Variants in ADAMTSL1 observed in about 807,000 individuals in gnomAD.
ADAMTSL1 encodes ADAMTS like 1, also known as ADAMTS-like protein 1.
A neutral mutation model predicts 201.8 loss-of-function variants in ADAMTSL1; 126 were observed. The observed-to-expected ratio is 0.62, with a 90% CI of 0.54 to 0.72. The LOEUF is 0.72. ADAMTSL1 is among the 30% of genes least tolerant of loss of function. The pLI is 0.00. For synonymous variants in ADAMTSL1, 1,121 were observed against 903.4 expected (o/e 1.24, Z -4.32); for missense variants, 2,679 against 2,277.8 (o/e 1.18, Z -3.59).
At chr9:18,482,664 G>C (rs1050299908) in intron 1 of ADAMTSL1, among the ~76,000 whole-genome samples, 1 of 152,162 alleles carries the variant, frequency 6.6e-6, no homozygotes, top group Non-Finnish European at 1.5e-5. Context: ...CCATAGTAAG[G>C]TATGGTAGGG....
At chr9:18,063,785 A>G (rs1403624087) in intron 1 of ADAMTSL1, among the ~76,000 whole-genome samples, 1 of 152,174 alleles carries the variant, frequency 6.6e-6, no homozygotes. Flanking sequence ...CTGTCCATGC[A>G]TAAAAGTCTT....
At chr9:18,718,122 T>C in intron 14 of ADAMTSL1, 5 of 1,119,462 alleles carry the variant, frequency 4.5e-6, no homozygotes, top group Non-Finnish European at 6.9e-6. Context: ...TTCCATTGTC[T>C]TGCTAGATTT....
intron 1 of ADAMTSL1, among the ~76,000 whole-genome samples, chr9:17,991,396 G>T (rs942303566): frequency 6.6e-6 from 1 of 152,096 alleles, no homozygotes; most frequent in Non-Finnish European, 1.5e-5. Flanking sequence ...GGTCTGAAAA[G>T]TACCTGGTAA....
At chr9:18,158,085 A>T (rs902090890) in intron 1 of ADAMTSL1, among the ~76,000 whole-genome samples, 6 of 151,972 alleles carry the variant, frequency 3.9e-5, no homozygotes, top group Admixed American at 1.3e-4. Context: ...ATTCAGTGAC[A>T]ATGTCCTCCT....
At chr9:18,353,119 A>G (rs948950891) in intron 2 of ADAMTSL1, among the ~76,000 whole-genome samples, 1 of 152,176 alleles carries the variant, frequency 6.6e-6, no homozygotes, top group East Asian at 1.9e-4. Context: ...CTTGACTTCA[A>G]TGTCAGGCTT....
intron 1 of ADAMTSL1, among the ~76,000 whole-genome samples, chr9:18,107,943 G>A (rs1021515595): frequency 6.6e-6 from 1 of 152,104 alleles, no homozygotes; most frequent in Non-Finnish European, 1.5e-5. Context: ...AACCACTGCC[G>A]ATTTCTGATG....
rs1046864074 is a variant in ADAMTSL1, at chr9:18,331,042, G to T, written c.207+167061G>T. ...ATGGCATAGTCAGGGCATATTTCAC[G>T]TGTAGGTTTTGGTGGAGGGTGCTCA... On this transcript the variant is annotated intron_variant, in intron 2 of 29. Coordinates refer to the ADAMTSL1 transcript ENST00000680146. 3.3e-5 allele frequency among the ~76,000 whole-genome samples: 5 copies of T among 152,282 alleles called. 1 individual carries two copies. The highest frequency in any genetic ancestry group is 6.5e-5 in the Admixed American group (1 of 15,286).
At chr9:18,832,018 T>C (rs1433833003) in intron 23 of ADAMTSL1, among the ~76,000 whole-genome samples, 1 of 152,080 alleles carries the variant, frequency 6.6e-6, no homozygotes, top group Non-Finnish European at 1.5e-5. Flanking sequence ...AGATGAAAAA[T>C]GTGCAAGATA....
At chr9:18,330,991 A>T (rs967575430) in intron 2 of ADAMTSL1, among the ~76,000 whole-genome samples, 1 of 152,190 alleles carries the variant, frequency 6.6e-6, no homozygotes, top group Non-Finnish European at 1.5e-5. Context: ...TCATGTGACT[A>T]TGAAGTAATT....
At chr9:17,940,192 G>A (rs1159893262) in intron 1 of ADAMTSL1, among the ~76,000 whole-genome samples, 3 of 152,092 alleles carry the variant, frequency 2.0e-5, no homozygotes, top group Non-Finnish European at 2.9e-5. Context: ...TTGCATGTGT[G>A]TTTGTGTTTT....
At position 18,188,117 on chromosome 9, in the gene ADAMTSL1, A is replaced by G. The variant is rs556221374; in HGVS notation, c.207+24136A>G. On this transcript the variant is annotated intron_variant, in intron 2 of 29. Transcript: ENST00000680146. ...TGAGGCACAAAAAAAGAGAAACCCT[A>G]GGAAAGCTGAGAGGCTGTTTAACAC... 7.9e-5 allele frequency among the ~76,000 whole-genome samples: 12 copies of G among 152,280 alleles called. No individual in the cohort carries two copies. In the South Asian group the frequency reaches 1.9e-3, roughly 24 times the overall value.
chr9:18,566,021 G>T (rs1821870199), intron 3 of ADAMTSL1, among the ~76,000 whole-genome samples: 1 of 152,138 alleles, frequency 6.6e-6, no homozygotes, highest in Non-Finnish European at 1.5e-5. Flanking sequence ...ATATTGGCCT[G>T]TTAAATTTGT....
chr9:18,829,551 C>T (rs1824842999), intron 22 of ADAMTSL1, among the ~76,000 whole-genome samples: 2 of 152,110 alleles, frequency 1.3e-5, no homozygotes, highest in African/African-American at 4.8e-5. Flanking sequence ...AACTTATCTA[C>T]AAATGTGTAG....
intron 13 of ADAMTSL1, among the ~76,000 whole-genome samples, chr9:18,685,538 T>C (rs545524427): frequency 6.6e-6 from 1 of 152,316 alleles, no homozygotes; most frequent in South Asian, 2.1e-4. Context: ...CCCAAGAAAT[T>C]TCTCAGGTTG....
At chr9:18,075,347 C>G (rs1034950100) in intron 1 of ADAMTSL1, among the ~76,000 whole-genome samples, 15 of 152,156 alleles carry the variant, frequency 9.9e-5, no homozygotes, top group African/African-American at 3.4e-4. Flanking sequence ...AGGTCACAGT[C>G]AATGTGCAAA....
chr9:18,569,323 G>C (rs1403489641), intron 3 of ADAMTSL1, among the ~76,000 whole-genome samples: 1 of 152,174 alleles, frequency 6.6e-6, no homozygotes, highest in South Asian at 2.1e-4. Context: ...AAAGAGGAGA[G>C]CTCTGACACG....
At chr9:18,144,039 G>A (rs1157047908) in intron 1 of ADAMTSL1, among the ~76,000 whole-genome samples, 3 of 152,074 alleles carry the variant, frequency 2.0e-5, no homozygotes, top group East Asian at 1.9e-4. Flanking sequence ...TGTTTTTGTG[G>A]CAGTTTCTTA....
At chr9:18,410,893 G>A (rs1818410815) in intron 2 of ADAMTSL1, among the ~76,000 whole-genome samples, 1 of 149,014 alleles carries the variant, frequency 6.7e-6, no homozygotes, top group African/African-American at 2.5e-5. Context: ...CCAGGCTGGA[G>A]TGCAGTGGTG....
In ADAMTSL1 at chr9:18,626,878, C is replaced by CTTT. The variant is rs1461320087; in HGVS notation, c.601+4509_601+4510insTTT. 2.7e-3 allele frequency among the ~76,000 whole-genome samples: 244 copies of CTTT among 90,050 alleles called. 1 individual carries two copies. Among genetic ancestry groups the CTTT allele is most frequent in the African/African-American group, 0.014 (229 of 16,868 alleles). The allele number at this position is 90,050 out of a possible 152,430, so 59.1% of individuals were successfully genotyped here. On this transcript the variant is annotated intron_variant, in intron 5 of 28. Transcript: ENST00000380548. ...TTCTTTCTTTCTTTCTGTCTTTCTT[C>CTTT]CTTCCTTCCTTCCTTCCTTCCTTTC... is the stretch of plus-strand genomic sequence containing the variant.
Sources: gnomAD v4.1 joint callset for allele counts (sites outside exome capture counted in the v4.1 genomes callset) on GRCh38, gnomAD v4.1.1 for gene constraint, MANE v1.5 for transcripts, NCBI Gene and HGNC (gene_info 2026-07-23, HGNC 2026-07-21) for gene names.